The following SNX25 variants were observed in gnomAD, a reference collection of about 807,000 sequenced individuals.
SNX25 encodes the protein sorting nexin 25.
In SNX25, 62 loss-of-function variants were observed where a neutral mutation model predicts 113.7. The ratio of observed to expected loss-of-function variants is 0.55; its 90% CI spans 0.44 to 0.67. The LOEUF (loss-of-function observed/expected upper bound fraction) is 0.67. Among genes scored for constraint, SNX25 ranks in the 30% least tolerant of loss-of-function variants. SNX25 has a pLI of 0.00. For missense variants in SNX25, 1,014 were observed against 1,161.0 expected (o/e 0.87, Z 1.84); for synonymous variants, 421 against 436.2 (o/e 0.97, Z 0.43).
At chr4:185,319,629 A>G (rs1390742470) in intron 7 of SNX25, among the ~76,000 whole-genome samples, 1 of 151,858 alleles carries the variant, frequency 6.6e-6, no homozygotes, top group Non-Finnish European at 1.5e-5. Flanking sequence ...TCTTCCAGGC[A>G]TGTCCTTAAT....
intron 6 of SNX25, among the ~76,000 whole-genome samples, chr4:185,304,290 T>G (rs530722149): frequency 6.6e-6 from 1 of 152,318 alleles, no homozygotes; most frequent in African/African-American, 2.4e-5. Context: ...GCTCAAGTGA[T>G]CCTTCTGCCT....
intron 10 of SNX25, among the ~76,000 whole-genome samples, chr4:185,339,077 A>T (rs77277927): frequency 0.012 from 1,850 of 152,262 alleles, 35 homozygotes; most frequent in African/African-American, 0.042. Context: ...CAGCAATATT[A>T]ATTCTTCCAA....
chr4:185,247,856 T>C (rs989471939), intron 2 of SNX25, among the ~76,000 whole-genome samples: 3 of 152,190 alleles, frequency 2.0e-5, no homozygotes, highest in African/African-American at 7.2e-5. Flanking sequence ...AATATGGCTA[T>C]GTCTGGAAGT....
intron 6 of SNX25, among the ~76,000 whole-genome samples, chr4:185,293,336 A>T (rs926396407): frequency 6.6e-6 from 1 of 152,280 alleles, no homozygotes; most frequent in East Asian, 1.9e-4. Flanking sequence ...TTGAATGTTT[A>T]TAGTAGCATA....
intron 1 of SNX25, among the ~76,000 whole-genome samples, chr4:185,240,358 T>C (rs77407769): frequency 4.2e-3 from 482 of 115,998 alleles, no homozygotes; most frequent in African/African-American, 0.013. Context: ...CAGAGGCGCC[T>C]CTCACCTCCC....
At position 185,335,316 on chromosome 4, in the gene SNX25, TCACACACACACACA is replaced by T. The variant is rs3047486; in HGVS notation, c.1914+2586_1914+2599del. Reference sequence around the variant, plus strand: ...GCCTGGGCAATAGAGTGAAAAAGTCTCACACACACACACACACACACACACACACACACACACAC... The same window carrying T: ...GCCTGGGCAATAGAGTGAAAAAGTCTCACACACACACACACACACACACAC... On this transcript the variant is annotated intron_variant, in intron 10 of 18. Coordinates refer to ENST00000652585, the MANE Select transcript of SNX25 (RefSeq NM_001378034.2). Among the ~76,000 whole-genome samples the T allele has an allele frequency of 1.8e-3, 257 of 140,896 alleles. 2 individuals are homozygous for T. In the Middle Eastern group the frequency reaches 0.025, roughly 14 times the overall value. The allele number at this position is 140,896 out of a possible 152,430, so 92.4% of individuals were successfully genotyped here.
intron 1 of SNX25, among the ~76,000 whole-genome samples, chr4:185,229,218 G>C (rs1291149257): frequency 6.6e-6 from 1 of 152,174 alleles, no homozygotes; most frequent in Non-Finnish European, 1.5e-5. Flanking sequence ...TGTTTAATGA[G>C]AGCTGCCCAC....
chr4:185,221,564 A>T (rs1410386606), intron 1 of SNX25, among the ~76,000 whole-genome samples: 1 of 151,988 alleles, frequency 6.6e-6, no homozygotes, highest in Non-Finnish European at 1.5e-5. Flanking sequence ...CAACCTTTCA[A>T]TTGGTCTCTG....
At chr4:185,344,861 A>G (rs1398429184) in intron 12 of SNX25, among the ~76,000 whole-genome samples, 1 of 152,218 alleles carries the variant, frequency 6.6e-6, no homozygotes, top group Non-Finnish European at 1.5e-5. Flanking sequence ...AATGTCATGC[A>G]TGCTACATTT....
At chr4:185,256,331 C>T (rs2126514521) in intron 2 of SNX25, among the ~76,000 whole-genome samples, 1 of 152,230 alleles carries the variant, frequency 6.6e-6, no homozygotes, top group South Asian at 2.1e-4. Context: ...GAACAAAAAT[C>T]CTAATGCTGT....
chr4:185,214,584 A>C (rs1209452300), intron 1 of SNX25, among the ~76,000 whole-genome samples: 1 of 152,084 alleles, frequency 6.6e-6, no homozygotes, highest in Non-Finnish European at 1.5e-5. Context: ...TAAAAAAATA[A>C]AAATAAAAAG....
At chr4:185,281,265 G>C (rs1455428674) in intron 5 of SNX25, among the ~76,000 whole-genome samples, 1 of 152,004 alleles carries the variant, frequency 6.6e-6, no homozygotes, top group Non-Finnish European at 1.5e-5. Context: ...TCCCTAGATA[G>C]TACATATCTA....
intron 5 of SNX25, among the ~76,000 whole-genome samples, chr4:185,280,035 C>G (rs1485533460): frequency 1.3e-5 from 2 of 152,158 alleles, no homozygotes; most frequent in Non-Finnish European, 2.9e-5. Flanking sequence ...ATCCTCCCAC[C>G]TCAGCCTCAG....
chr4:185,352,493 T>C (rs1016780716), intron 14 of SNX25, among the ~76,000 whole-genome samples: 1 of 152,176 alleles, frequency 6.6e-6, no homozygotes, highest in Non-Finnish European at 1.5e-5. Flanking sequence ...ATCTCCCACC[T>C]CTTTCCTTCA....
At chr4:185,289,330 CG>C (rs1751826305) in intron 6 of SNX25, among the ~76,000 whole-genome samples, 1 of 152,096 alleles carries the variant, frequency 6.6e-6, no homozygotes, top group South Asian at 2.1e-4. Context: ...AGTTGTGATG[CG>C]GGGAGCCCTG....
intron 3 of SNX25, among the ~76,000 whole-genome samples, chr4:185,262,486 C>T (rs535763172): frequency 6.6e-6 from 1 of 152,276 alleles, no homozygotes; most frequent in East Asian, 1.9e-4. Flanking sequence ...TTCTTTGTCT[C>T]TGAAATGTTC....
chr4:185,206,378 T>C (rs573992173), upstream of SNX25, among the ~76,000 whole-genome samples: 16 of 152,236 alleles, frequency 1.1e-4, 1 homozygote, highest in East Asian at 3.1e-3. Context: ...ACAGACAGAA[T>C]GGAAGATGTA....
chr4:185,256,001 TAAC>T (rs2126513373), intron 2 of SNX25, among the ~76,000 whole-genome samples: 1 of 152,304 alleles, frequency 6.6e-6, no homozygotes, highest in South Asian at 2.1e-4. Flanking sequence ...CTAGAAAACA[TAAC>T]AACCATAGGT....
intron 1 of SNX25, among the ~76,000 whole-genome samples, chr4:185,246,596 C>T (rs1744901758): frequency 6.6e-6 from 1 of 152,100 alleles, no homozygotes; most frequent in Non-Finnish European, 1.5e-5. Context: ...TTTGGAGTCT[C>T]TGTATATTTA....
Sources: allele counts gnomAD v4.1 joint callset (sites outside exome capture counted in the v4.1 genomes callset), GRCh38; gene constraint gnomAD v4.1.1; transcripts MANE v1.5; gene names NCBI Gene and HGNC (gene_info 2026-07-23, HGNC 2026-07-21).